The following PLA2G4F variants were observed in gnomAD, a reference collection of about 807,000 sequenced individuals.
PLA2G4F encodes cytosolic phospholipase A2 zeta.
Under a neutral mutation model 103.1 loss-of-function variants are expected in PLA2G4F, and 105 were observed. That is an observed-to-expected ratio of 1.02 (90% CI 0.87 to 1.20). The LOEUF (loss-of-function observed/expected upper bound fraction) is 1.20, where lower values mean the gene tolerates loss of function less well. PLA2G4F is among the 50% of genes most tolerant of loss of function. The probability of loss-of-function intolerance (pLI) is 0.00; values close to 1 mark genes in which losing one functional copy is unlikely to be tolerated. For synonymous variants in PLA2G4F, 468 were observed against 441.1 expected, an observed-to-expected ratio of 1.06 and a Z score of -0.76; for missense variants, 1,155 against 1,075.9, an observed-to-expected ratio of 1.07 and a Z score of -1.03.
chr15:42,145,040 C>G (rs994499492), intron 16 of PLA2G4F, among the ~76,000 whole-genome samples: 28 of 152,172 alleles, frequency 1.8e-4, no homozygotes, highest in African/African-American at 6.8e-4. Flanking sequence ...GGTGCACGGC[C>G]TACTTGTGGG....
At chr15:42,149,916 G>C (rs2140810286) in intron 10 of PLA2G4F, 68 bp from the exon 11 acceptor site, 1 of 1,575,270 alleles carries the variant, frequency 6.3e-7, no homozygotes, top group Non-Finnish European at 8.7e-7. Context: ...AGAGCCTTGG[G>C]CCCAGCCCAG....
intron 19 of PLA2G4F, 130 bp downstream of exon 19, chr15:42,142,398 C>T (rs1318319779): frequency 1.6e-6 from 2 of 1,254,956 alleles, no homozygotes; most frequent in African/African-American, 1.5e-5. Context: ...AGCAGAGGGC[C>T]ACAGGGGCCA....
intron 6 of PLA2G4F, 43 bp downstream of exon 6, chr15:42,153,257 C>A (rs375970891): frequency 1.9e-6 from 3 of 1,579,748 alleles, no homozygotes; most frequent in South Asian, 1.1e-5. Context: ...TTCCTCACTG[C>A]CCCCCAGCCC....
intron 7 of PLA2G4F, chr15:42,151,067 C>T: frequency 2.0e-6 from 2 of 985,354 alleles, no homozygotes; most frequent in Non-Finnish European, 2.4e-6. Flanking sequence ...TGCCCAGAGC[C>T]TGTGGGGCTG....
intron 12 of PLA2G4F, 100 bp from the exon 13 acceptor site, chr15:42,147,446 A>T: frequency 2.9e-6 from 4 of 1,392,982 alleles, no homozygotes; most frequent in Non-Finnish European, 4.0e-6. Flanking sequence ...CACCACTTGC[A>T]CTGCTGCCCT....
chr15:42,153,628 C>T lies in PLA2G4F; in HGVS notation c.483G>A (p.Leu161=). ...DSQELQVEFV[L]EKSQVPASEV... is the part of the protein sequence containing the mutation. ...GCTCTACCAGAACTCACCTCTTCTC[C>T]AGAACAAATTCCACCTGCAGCTCTT... Residue 161 remains leucine, a synonymous_variant, in exon 5 of 20, where the codon CTG becomes CTA. Transcript: ENST00000397272. The T allele has an allele frequency of 1.2e-6, 2 of 1,614,210 alleles. No individual in the cohort carries two copies. The highest frequency in any genetic ancestry group is 1.7e-6 in the Non-Finnish European group (2 of 1,180,042).
chr15:42,153,756 A>G (rs2048983547), intron 4 of PLA2G4F, 96 bp from the exon 5 acceptor site: 1 of 1,362,234 alleles, frequency 7.3e-7, no homozygotes, highest in Non-Finnish European at 1.0e-6. Context: ...CAGGGGCTAG[A>G]AGGGGAGACT....
chr15:42,146,487 A>G (rs1179784271), intron 13 of PLA2G4F, among the ~76,000 whole-genome samples: 1 of 152,258 alleles, frequency 6.6e-6, no homozygotes, highest in African/African-American at 2.4e-5. Flanking sequence ...ACTATTCAAA[A>G]CAGCGTATCA....
Position 42,144,088 on chromosome 15 carries a change from G to A in PLA2G4F, c.2032C>T (p.Leu678=). The stretch of plus-strand genomic sequence containing the variant: ...TTGATGGCAAAGCCTCCGTCCACCA[G>A]GTACAGGCAGTCCCGCATGGGGGTG... The part of the protein sequence containing the change: ...QLTPMRDCLY[L]VDGGFAINSP... Residue 678 remains leucine (L), a synonymous_variant, in exon 18 of 20, where the codon CTG becomes TTG. Transcript: ENST00000397272. 6.2e-7 allele frequency: 1 copy of A among 1,614,080 alleles called. No homozygotes were observed. The highest frequency in any genetic ancestry group is 8.5e-7 in the Non-Finnish European group (1 of 1,180,012).
chr15:42,143,750 C>T (rs945700298), intron 18 of PLA2G4F, among the ~76,000 whole-genome samples: 1 of 152,182 alleles, frequency 6.6e-6, no homozygotes, highest in South Asian at 2.1e-4. Context: ...TCTTCCCACG[C>T]CCACCATAAT....
At chr15:42,146,658 G>C (rs1253769405) in intron 13 of PLA2G4F, 1 of 220,068 alleles carries the variant, frequency 4.5e-6, no homozygotes. Flanking sequence ...GGGGTGGTGG[G>C]GAGCAGCTCC....
At position 42,144,079 on chromosome 15, in the gene PLA2G4F, C is replaced by T. The variant is rs751331576; in HGVS notation, c.2041G>A (p.Gly681Arg). 1.2e-5 allele frequency: 19 copies of T among 1,613,964 alleles called. No homozygotes were observed. Among genetic ancestry groups the T allele is most frequent in the Middle Eastern group, 1.6e-4 (1 of 6,084 alleles). The change falls in exon 18 of 20, where the codon GGA becomes AGA. Residue 681 changes from glycine (G) to arginine (R), a missense_variant. Around this residue, in one of 3 missense-constraint regions of PLA2G4F, gnomAD observed 782 missense variants for 692.9 expected, o/e 1.13. Transcript: ENST00000397272. ...AACGGAGAGTTGATGGCAAAGCCTC[C>T]GTCCACCAGGTACAGGCAGTCCCGC... Reference protein sequence around the residue: ...PMRDCLYLVDGGFAINSPFPL... With the variant: ...PMRDCLYLVDRGFAINSPFPL...
rs201900745 is a variant in PLA2G4F, at chr15:42,145,728, G to A, written c.1672+38C>T. 142 of 1,613,524 alleles carry A rather than the reference G, an allele frequency of 8.8e-5. 1 individual carries two copies. The Middle Eastern group carries it at 1.5e-3, about 17-fold the overall frequency. ...CCACCCCACGTCAGGGCCTGGCCCC[G>A]GCACCTGCCTGTCCCCAGCCCTCCA... On this transcript the variant is annotated intron_variant, in intron 15 of 19. Coordinates refer to ENST00000397272, the MANE Select transcript of PLA2G4F (RefSeq NM_213600.4).
Position 42,145,612 on chromosome 15 carries a change from G to T in PLA2G4F, c.1743C>A (p.Ser581Arg). The T allele has an allele frequency of 3.7e-6, 6 of 1,614,134 alleles. No individual in the cohort carries two copies. The highest frequency in any genetic ancestry group is 5.1e-6 in the Non-Finnish European group (6 of 1,180,020). The change falls in exon 16 of 20, where the codon AGC becomes AGA. Residue 581 changes from serine (S) to arginine (R), a missense_variant. Physicochemically the swap from Ser to Arg is moderately radical, Grantham distance 110. Around this residue, in one of 3 missense-constraint regions of PLA2G4F, gnomAD observed 782 missense variants for 692.9 expected, o/e 1.13. Transcript: ENST00000397272. ...CACTGCCTCTGTACCACTCCAGGAA[G>T]CTGAGGCCCGAGCCGGCGGTCTTTA... ...IFLKTAGSGLSFLEWYRGSVN... is the reference protein window; with the variant it reads ...IFLKTAGSGLRFLEWYRGSVN...
chr15:42,143,515 G>C (rs562813003), intron 18 of PLA2G4F, among the ~76,000 whole-genome samples: 1 of 152,286 alleles, frequency 6.6e-6, no homozygotes, highest in Non-Finnish European at 1.5e-5. Context: ...ACCCACATGG[G>C]AATGGGGGCA....
chr15:42,151,485 G>C (rs2048962262), intron 7 of PLA2G4F: 18 of 985,284 alleles, frequency 1.8e-5, no homozygotes, highest in Non-Finnish European at 2.0e-5. Context: ...CGGGCAGAGG[G>C]GGCCGCAGAC....
In PLA2G4F at chr15:42,146,310, C is replaced by T. The variant is rs116962748; in HGVS notation, c.1420-69G>A. On this transcript the variant is annotated intron_variant, in intron 13 of 19. Transcript: ENST00000397272. ...CATTCCCCATCCCCGTGGCCTGGGG[C>T]CGGCACCCTGCAAGGCGTGGTGTGC... 8.8e-3 allele frequency: 12,675 copies of T among 1,434,840 alleles called. 81 individuals are homozygous for T. Among genetic ancestry groups the T allele is most frequent in the South Asian group, 0.011 (981 of 86,594 alleles). The allele number at this position is 1,434,840 out of a possible 1,614,324, so 88.9% of individuals were successfully genotyped here. A position where few individuals can be genotyped will look rare whatever the true frequency, so the allele number is the denominator to read the frequency against.
chr15:42,154,513 T>A, intron 2 of PLA2G4F, 55 bp from the exon 3 acceptor site: 2 of 1,496,622 alleles, frequency 1.3e-6, no homozygotes, highest in South Asian at 2.7e-5. Flanking sequence ...CTGAAAAGGT[T>A]TCCTTGGGGA....
chr15:42,152,209 C>A (rs1480440828), intron 7 of PLA2G4F, among the ~76,000 whole-genome samples: 1 of 152,246 alleles, frequency 6.6e-6, no homozygotes, highest in Non-Finnish European at 1.5e-5. Flanking sequence ...GCTTTGAGTT[C>A]AACCCTGTTT....
Sources: gnomAD v4.1 joint callset for allele counts (sites outside exome capture counted in the v4.1 genomes callset) on GRCh38, gnomAD v4.1.1 for gene constraint, gnomAD v4.1.1 regional missense constraint, MANE v1.5 for transcripts, NCBI Gene and HGNC (gene_info 2026-07-23, HGNC 2026-07-21) for gene names.